The following LRFN2 variants were observed in gnomAD, a reference collection of about 807,000 sequenced individuals.
LRFN2 encodes the protein leucine rich repeat and fibronectin type III domain containing 2, also known as leucine-rich repeat and fibronectin type-III domain-containing protein 2.
A neutral mutation model predicts 37.3 loss-of-function variants in LRFN2; 18 were observed. The ratio of observed to expected loss-of-function variants is 0.48; its 90% CI spans 0.33 to 0.72. The LOEUF (loss-of-function observed/expected upper bound fraction) is 0.72. Among genes scored for constraint, LRFN2 ranks in the 30% least tolerant of loss-of-function variants. The pLI is 0.02. For synonymous variants in LRFN2, 556 were observed against 466.6 expected, an observed-to-expected ratio of 1.19 and a Z score of -2.47; for missense variants, 1,006 against 1,060.7, an observed-to-expected ratio of 0.95 and a Z score of 0.72.
At chr6:40,565,112 C>T (rs1448048556) in intron 1 of LRFN2, among the ~76,000 whole-genome samples, 1 of 152,182 alleles carries the variant, frequency 6.6e-6, no homozygotes, top group Non-Finnish European at 1.5e-5. Context: ...AGAGCCAGGA[C>T]CATCTAGCAG....
chr6:40,558,565 AGG>A (rs1385329817), intron 1 of LRFN2, among the ~76,000 whole-genome samples: 13 of 44,078 alleles, frequency 2.9e-4, no homozygotes, highest in Admixed American at 3.4e-4. Flanking sequence ...AGAAGGCTGG[AGG>A]AGATGTCCTC....
At chr6:40,475,238 G>T (rs1304926279) in intron 1 of LRFN2, among the ~76,000 whole-genome samples, 3 of 152,210 alleles carry the variant, frequency 2.0e-5, no homozygotes, top group Non-Finnish European at 4.4e-5. Flanking sequence ...TGATGCAGCG[G>T]TTCTGCTTGG....
At chr6:40,487,657 G>A (rs1300224930) in intron 1 of LRFN2, among the ~76,000 whole-genome samples, 1 of 152,242 alleles carries the variant, frequency 6.6e-6, no homozygotes, top group Non-Finnish European at 1.5e-5. Context: ...GAAACTGATG[G>A]GGGAAAGTCA....
chr6:40,569,736 C>T (rs751838525), intron 1 of LRFN2, among the ~76,000 whole-genome samples: 1 of 152,166 alleles, frequency 6.6e-6, no homozygotes, highest in Non-Finnish European at 1.5e-5. Flanking sequence ...ATTTCACTCG[C>T]AGTAATCCAT....
At chr6:40,423,740 C>G (rs1005567077) in intron 2 of LRFN2, among the ~76,000 whole-genome samples, 5 of 152,198 alleles carry the variant, frequency 3.3e-5, no homozygotes, top group Non-Finnish European at 7.3e-5. Flanking sequence ...GATGGGGATT[C>G]TGAGAAACTC....
chr6:40,479,347 C>T (rs1371037526), intron 1 of LRFN2, among the ~76,000 whole-genome samples: 2 of 152,214 alleles, frequency 1.3e-5, no homozygotes, highest in African/African-American at 2.4e-5. Flanking sequence ...CACTCCTGAG[C>T]TGACAGTGGC....
chr6:40,498,879 T>C (rs938304718), intron 1 of LRFN2, among the ~76,000 whole-genome samples: 7 of 152,204 alleles, frequency 4.6e-5, no homozygotes, highest in Admixed American at 6.5e-5. Context: ...CAAACATTTA[T>C]TGAGCACCTG....
rs117118205 is a variant in LRFN2 at position 40,521,104 on chromosome 6, C to T, written c.-19+65837G>A. ...CTAGAGTCAGAGAGGACTGTGCAGC[C>T]GGAAGGAAAGAGAGAGAGAAGAGGA... On this transcript the variant is annotated intron_variant, in intron 1 of 2. Coordinates refer to ENST00000338305, the MANE Select transcript of LRFN2 (RefSeq NM_020737.3). Among the ~76,000 whole-genome samples the T allele has an allele frequency of 4.5e-4, 68 of 151,860 alleles. 1 individual carries two copies. The highest frequency in any genetic ancestry group is 2.5e-3 in the East Asian group (13 of 5,154).
At chr6:40,438,222 T>C (rs1763738109) in intron 1 of LRFN2, among the ~76,000 whole-genome samples, 1 of 152,156 alleles carries the variant, frequency 6.6e-6, no homozygotes, top group Non-Finnish European at 1.5e-5. Flanking sequence ...ACCTACACCA[T>C]TCCAGAGAAG....
chr6:40,577,822 A>AAT (rs1767324695), intron 1 of LRFN2, among the ~76,000 whole-genome samples: 2 of 105,954 alleles, frequency 1.9e-5, no homozygotes, highest in Non-Finnish European at 4.1e-5. Flanking sequence ...AATTAAAAAA[A>AAT]ATAAAAATAA....
At chr6:40,544,550 C>T (rs1766620295) in intron 1 of LRFN2, among the ~76,000 whole-genome samples, 1 of 152,186 alleles carries the variant, frequency 6.6e-6, no homozygotes, top group Non-Finnish European at 1.5e-5. Flanking sequence ...GCTATACCTC[C>T]CCTTCCCAAA....
intron 1 of LRFN2, among the ~76,000 whole-genome samples, chr6:40,555,617 C>T (rs995919229): frequency 2.0e-5 from 3 of 152,088 alleles, no homozygotes; most frequent in Non-Finnish European, 2.9e-5. Flanking sequence ...CATTCTCAGC[C>T]CCACATCCTT....
chr6:40,393,116 G>A, intron 2 of LRFN2, among the ~76,000 whole-genome samples: 1 of 150,378 alleles, frequency 6.6e-6, no homozygotes. Flanking sequence ...GAGAGAGAAG[G>A]AGAGACAGAG....
At chr6:40,533,396 C>T (rs1353030311) in intron 1 of LRFN2, among the ~76,000 whole-genome samples, 1 of 151,742 alleles carries the variant, frequency 6.6e-6, no homozygotes, top group Non-Finnish European at 1.5e-5. Context: ...CACACACACA[C>T]ACACACACAC....
At chr6:40,402,227 G>A (rs1362263978) in intron 2 of LRFN2, among the ~76,000 whole-genome samples, 2 of 151,222 alleles carry the variant, frequency 1.3e-5, no homozygotes, top group South Asian at 2.1e-4. Context: ...CATGCTGACT[G>A]TATGAGGTAG....
intron 2 of LRFN2, among the ~76,000 whole-genome samples, chr6:40,423,611 T>G (rs528951557): frequency 2.0e-5 from 3 of 152,328 alleles, no homozygotes; most frequent in South Asian, 4.1e-4. Context: ...GCTACCTGCC[T>G]TCCTATCTTC....
At chr6:40,552,680 G>C (rs1340635874) in intron 1 of LRFN2, among the ~76,000 whole-genome samples, 2 of 151,854 alleles carry the variant, frequency 1.3e-5, no homozygotes, top group Non-Finnish European at 2.9e-5. Flanking sequence ...TTCCTTTCTT[G>C]CTTGAAAAAA....
At chr6:40,513,454 G>C (rs950281600) in intron 1 of LRFN2, among the ~76,000 whole-genome samples, 5 of 151,952 alleles carry the variant, frequency 3.3e-5, no homozygotes, top group Admixed American at 6.6e-5. Context: ...TGCTGGTCTC[G>C]AACACCTCAC....
At chr6:40,438,614 C>A (rs1292115114) in intron 1 of LRFN2, among the ~76,000 whole-genome samples, 3 of 152,184 alleles carry the variant, frequency 2.0e-5, no homozygotes, top group South Asian at 4.1e-4. Flanking sequence ...CCTCTGGAGG[C>A]TTCCATGTGC....
Sources: allele counts gnomAD v4.1 joint callset (sites outside exome capture counted in the v4.1 genomes callset), GRCh38; gene constraint gnomAD v4.1.1; transcripts MANE v1.5; gene names NCBI Gene and HGNC (gene_info 2026-07-23, HGNC 2026-07-21).